The following PDS5B variants were observed in gnomAD, a reference collection of about 807,000 sequenced individuals.
PDS5B encodes the protein PDS5 cohesin associated factor B.
A neutral mutation model predicts 184.1 loss-of-function variants in PDS5B; 51 were observed. The observed-to-expected ratio is 0.28, with a 90% CI of 0.22 to 0.35. The LOEUF is 0.35. Ranked by LOEUF, PDS5B falls within the 10% of genes least tolerant of loss-of-function variation. The pLI, the probability that PDS5B is intolerant of heterozygous loss-of-function variation, is 1.00. For missense variants in PDS5B, 1,180 were observed against 1,723.3 expected (o/e 0.68, Z 5.58); for synonymous variants, 566 against 569.2 (o/e 0.99, Z 0.08).
At chr13:32,627,047 G>C (rs2058381152) in intron 1 of PDS5B, among the ~76,000 whole-genome samples, 1 of 152,118 alleles carries the variant, frequency 6.6e-6, no homozygotes, top group East Asian at 1.9e-4. Flanking sequence ...CCAAAACCTA[G>C]CTTCTCAAAG....
intron 22 of PDS5B, among the ~76,000 whole-genome samples, chr13:32,741,853 A>G (rs1953570389): frequency 6.6e-6 from 1 of 152,022 alleles, no homozygotes; most frequent in Admixed American, 6.6e-5. Context: ...TCAATGAATG[A>G]TGCTTGATAC....
chr13:32,741,689 C>A (rs1194568768), intron 22 of PDS5B, among the ~76,000 whole-genome samples: 1 of 137,640 alleles, frequency 7.3e-6, no homozygotes, highest in East Asian at 2.1e-4. Context: ...TTCTTATAAA[C>A]CCTTTCAGTC....
At chr13:32,641,626 T>G (rs1377448541) in intron 1 of PDS5B, among the ~76,000 whole-genome samples, 2 of 152,170 alleles carry the variant, frequency 1.3e-5, no homozygotes, top group Non-Finnish European at 2.9e-5. Context: ...GCCATTTTCT[T>G]GACTTTCTTC....
At chr13:32,586,987 C>T (rs1423868679) in intron 1 of PDS5B, among the ~76,000 whole-genome samples, 5 of 127,134 alleles carry the variant, frequency 3.9e-5, no homozygotes, top group African/African-American at 6.1e-5. Flanking sequence ...CCGCCCGCGC[C>T]CTCCCGCCGC....
At position 32,770,399 on chromosome 13, in the gene PDS5B, A is replaced by T. The variant is rs758080429; in HGVS notation, c.3903A>T (p.Thr1301=). Residue 1301 remains threonine (T), a synonymous_variant, in exon 32 of 35, where the codon ACA becomes ACT. Coordinates refer to ENST00000315596, the MANE Select transcript of PDS5B (RefSeq NM_015032.4). The stretch of plus-strand genomic sequence containing the variant: ...CACCAAAACCTCTTGGTGGAGGTAC[A>T]CCAAAAGAAGAGCCAACAATGAAAA... The part of the protein sequence containing the change: ...GRPPKPLGGG[T]PKEEPTMKTS... The T allele has an allele frequency of 9.3e-6, 15 of 1,613,492 alleles. No individual in the cohort carries two copies. Among genetic ancestry groups the T allele is most frequent in the Non-Finnish European group, 1.2e-5 (14 of 1,179,954 alleles).
intron 1 of PDS5B, among the ~76,000 whole-genome samples, chr13:32,596,217 C>T (rs1314578396): frequency 6.6e-6 from 1 of 152,142 alleles, no homozygotes; most frequent in Non-Finnish European, 1.5e-5. Flanking sequence ...TTGCTCTCTC[C>T]ATTCAATTTC....
rs1172609885 is a variant in PDS5B at position 32,775,010 on chromosome 13, T to A, written c.4309-7T>A. On this transcript the variant is annotated splice_polypyrimidine_tract_variant and splice_region_variant and intron_variant, in intron 34 of 34. Coordinates refer to ENST00000315596, the MANE Select transcript of PDS5B (RefSeq NM_015032.4). Reference sequence around the variant, plus strand: ...TTAATTAAGCATCTGGTGACTTTCCTTTTAAGGTACGGCGGCGAAGTGCTA... The same window carrying A: ...TTAATTAAGCATCTGGTGACTTTCCATTTAAGGTACGGCGGCGAAGTGCTA... The A allele has an allele frequency of 6.2e-7, 1 of 1,612,738 alleles. No homozygotes were observed. Among genetic ancestry groups the A allele is most frequent in the East Asian group, 2.2e-5 (1 of 44,854 alleles).
chr13:32,612,558 A>C (rs559427214), intron 1 of PDS5B, among the ~76,000 whole-genome samples: 1 of 152,118 alleles, frequency 6.6e-6, no homozygotes, highest in Non-Finnish European at 1.5e-5. Context: ...GCCGTCTGCT[A>C]TGGTTTGAAT....
chr13:32,624,654 T>A (rs1483585005), intron 1 of PDS5B, among the ~76,000 whole-genome samples: 2 of 152,170 alleles, frequency 1.3e-5, no homozygotes, highest in African/African-American at 2.4e-5. Flanking sequence ...TGGGAAGGAC[T>A]CATGTTTTGT....
intron 19 of PDS5B, among the ~76,000 whole-genome samples, chr13:32,728,805 G>A (rs554330602): frequency 1.8e-4 from 28 of 152,262 alleles, no homozygotes; most frequent in Non-Finnish European, 3.2e-4. Flanking sequence ...ATTTAAGGCA[G>A]GAGAGTAAAT....
intron 1 of PDS5B, 78 bp downstream of exon 1, chr13:32,586,671 C>G (rs1174368891): frequency 6.6e-6 from 1 of 150,958 alleles, no homozygotes; most frequent in Non-Finnish European, 1.5e-5. Context: ...GCGGCCGCCA[C>G]TGCCGCTGTG....
chr13:32,741,298 A>T, intron 22 of PDS5B, 150 bp downstream of exon 22: 1 of 500,680 alleles, frequency 2.0e-6, no homozygotes, highest in Non-Finnish European at 3.6e-6. Context: ...GTGAGACTAT[A>T]GGGTAATAAT....
At chr13:32,638,320 A>G (rs973785019) in intron 1 of PDS5B, among the ~76,000 whole-genome samples, 3 of 152,228 alleles carry the variant, frequency 2.0e-5, no homozygotes, top group Middle Eastern at 3.2e-3. Context: ...GCAAAGTCAC[A>G]TTGTAAGGGT....
At chr13:32,659,124 A>G (rs777421799) in intron 5 of PDS5B, 30 bp from the exon 6 acceptor site, 2 of 1,498,444 alleles carry the variant, frequency 1.3e-6, no homozygotes, top group Admixed American at 1.8e-5. Context: ...TCTCAGTTGT[A>G]ATTGAAACAA....
chr13:32,736,036 C>T (rs1228033287), intron 21 of PDS5B, among the ~76,000 whole-genome samples: 1 of 152,090 alleles, frequency 6.6e-6, no homozygotes, highest in Non-Finnish European at 1.5e-5. Context: ...CTAGAAATTA[C>T]AACATGGACT....
At chr13:32,621,632 A>T (rs1013226165) in intron 1 of PDS5B, among the ~76,000 whole-genome samples, 7 of 152,032 alleles carry the variant, frequency 4.6e-5, no homozygotes, top group Non-Finnish European at 7.4e-5. Flanking sequence ...TGCTCTATTC[A>T]GGTTTTACAT....
intron 27 of PDS5B, 46 bp downstream of exon 27, chr13:32,758,265 A>T (rs1954257698): frequency 1.4e-6 from 2 of 1,391,944 alleles, no homozygotes; most frequent in Non-Finnish European, 1.9e-6. Context: ...TTGATTTAAA[A>T]ATTTAGGTGT....
chr13:32,660,808 C>A (rs1566296865), intron 6 of PDS5B, among the ~76,000 whole-genome samples: 1 of 151,946 alleles, frequency 6.6e-6, no homozygotes, highest in Non-Finnish European at 1.5e-5. Flanking sequence ...AACTTCCTGT[C>A]TCTAAGTACA....
intron 1 of PDS5B, among the ~76,000 whole-genome samples, chr13:32,618,013 C>T (rs2058243770): frequency 6.6e-6 from 1 of 152,080 alleles, no homozygotes; most frequent in Non-Finnish European, 1.5e-5. Flanking sequence ...CTGCATCCTC[C>T]AGAGGTGAAT....
Sources: allele counts gnomAD v4.1 joint callset (sites outside exome capture counted in the v4.1 genomes callset), GRCh38; gene constraint gnomAD v4.1.1; transcripts MANE v1.5; gene names NCBI Gene and HGNC (gene_info 2026-07-23, HGNC 2026-07-21).